KIFC3: variants seen among roughly 807,000 people sequenced by gnomAD.
KIFC3 encodes kinesin family member C3, also known as kinesin-like protein KIFC3.
In KIFC3, 60 loss-of-function variants were observed where a neutral mutation model predicts 101.8. The observed-to-expected ratio is 0.59, with a 90% CI of 0.48 to 0.73. The LOEUF is 0.73. Among genes scored for constraint, KIFC3 ranks in the 30% least tolerant of loss-of-function variants. The probability of loss-of-function intolerance (pLI) is 0.00; values close to 1 mark genes in which losing one functional copy is unlikely to be tolerated. For synonymous variants in KIFC3, 476 were observed against 482.7 expected (o/e 0.99, Z 0.18); for missense variants, 966 against 1,137.1 (o/e 0.85, Z 2.16).
chr16:57,786,785 T>C (rs2053372923), intron 3 of KIFC3, among the ~76,000 whole-genome samples: 1 of 152,112 alleles, frequency 6.6e-6, no homozygotes, highest in Non-Finnish European at 1.5e-5. Flanking sequence ...TCTGACAGCC[T>C]GGCCTGAGGG....
chr16:57,813,844 C>A (rs1555628249), intron 1 of KIFC3: 2 of 985,302 alleles, frequency 2.0e-6, no homozygotes, highest in African/African-American at 3.5e-5. Context: ...ACCCCATGCT[C>A]TCCTGGACAT....
chr16:57,770,103 G>C, intron 7 of KIFC3, 148 bp from the exon 8 acceptor site: 1 of 1,013,210 alleles, frequency 9.9e-7, no homozygotes, highest in Non-Finnish European at 1.4e-6. Flanking sequence ...GAATGGCCTT[G>C]TCTCCCTCCC....
At chr16:57,823,959 A>C (rs1201884375) in intron 1 of KIFC3, among the ~76,000 whole-genome samples, 2 of 152,144 alleles carry the variant, frequency 1.3e-5, no homozygotes, top group African/African-American at 4.8e-5. Context: ...TCTATAGAAA[A>C]ATTGCGAGAA....
At chr16:57,812,206 CTAATTTTTTGTATT>C (rs1384777018) in intron 1 of KIFC3, among the ~76,000 whole-genome samples, 1 of 151,888 alleles carries the variant, frequency 6.6e-6, no homozygotes, top group African/African-American at 2.4e-5. Flanking sequence ...CCTCGCCCGG[CTAATTTTTTGTATT>C]TTTAGTAGAG....
At chr16:57,833,227 C>T (rs1269757492) in intron 1 of KIFC3, among the ~76,000 whole-genome samples, 5 of 151,298 alleles carry the variant, frequency 3.3e-5, no homozygotes, top group African/African-American at 1.2e-4. Flanking sequence ...TATATATATG[C>T]CCAGGATGCC....
At chr16:57,812,819 C>T (rs531122224) in intron 1 of KIFC3, among the ~76,000 whole-genome samples, 8 of 152,338 alleles carry the variant, frequency 5.3e-5, no homozygotes, top group Non-Finnish European at 1.2e-4. Flanking sequence ...TAAGGAATAC[C>T]TGCTGCCCCT....
At chr16:57,795,212 G>C (rs2054192844) in intron 2 of KIFC3, 71 bp from the exon 3 acceptor site, 2 of 1,541,004 alleles carry the variant, frequency 1.3e-6, no homozygotes, top group Non-Finnish European at 1.8e-6. Flanking sequence ...TGGACCACTG[G>C]CCAGGGCCGC....
At position 57,859,637 on chromosome 16, in the gene KIFC3, G is replaced by A. The variant is rs139801382; in HGVS notation, c.108+3092C>T. 1.8e-4 allele frequency among the ~76,000 whole-genome samples: 27 copies of A among 152,218 alleles called. No individual in the cohort carries two copies. The East Asian group carries it at 4.2e-3, about 24-fold the overall frequency. On this transcript the variant is annotated intron_variant, in intron 1 of 2. Coordinates refer to the KIFC3 transcript ENST00000563028. ...AAGCAACACTCCTCCCACACCCGCC[G>A]AAGTCATACACCAGTTACAGTGGGA...
At chr16:57,839,123 G>A (rs1170990498) in intron 1 of KIFC3, among the ~76,000 whole-genome samples, 1 of 152,044 alleles carries the variant, frequency 6.6e-6, no homozygotes, top group Admixed American at 6.6e-5. Context: ...AGGCCAGGAG[G>A]TCAAGGCTGC....
chr16:57,806,187 C>G (rs1218577414), upstream of KIFC3, among the ~76,000 whole-genome samples: 1 of 152,094 alleles, frequency 6.6e-6, no homozygotes, highest in Admixed American at 6.6e-5. Flanking sequence ...TCATAGCAAC[C>G]CAGAGTAAAG....
At chr16:57,825,048 G>A (rs1344706233) in intron 1 of KIFC3, among the ~76,000 whole-genome samples, 1 of 152,190 alleles carries the variant, frequency 6.6e-6, no homozygotes, top group Non-Finnish European at 1.5e-5. Context: ...GATGTCAACA[G>A]GGCACTTCAC....
At chr16:57,851,947 G>A (rs1425075112) in intron 1 of KIFC3, among the ~76,000 whole-genome samples, 4 of 151,774 alleles carry the variant, frequency 2.6e-5, no homozygotes, top group African/African-American at 9.7e-5. Flanking sequence ...CTCCATGTTG[G>A]CCAGGCTGGT....
At chr16:57,781,480 C>T (rs1555614673) in intron 3 of KIFC3, among the ~76,000 whole-genome samples, 1 of 152,138 alleles carries the variant, frequency 6.6e-6, no homozygotes, top group Non-Finnish European at 1.5e-5. Flanking sequence ...GAGGGTCATC[C>T]CAACAGCCAC....
chr16:57,792,812 C>G (rs1278815032), intron 3 of KIFC3, among the ~76,000 whole-genome samples: 1 of 124,352 alleles, frequency 8.0e-6, no homozygotes, highest in Non-Finnish European at 1.6e-5. Flanking sequence ...CTGGAGGTTG[C>G]AGTGAGATTC....
Position 57,769,342 on chromosome 16 carries a change from T to A in KIFC3, c.1218+253A>T, listed in dbSNP as rs1318683047. Among the ~76,000 whole-genome samples the A allele has an allele frequency of 2.6e-5, 4 of 152,182 alleles. No individual in the cohort carries two copies. Among genetic ancestry groups the A allele is most frequent in the African/African-American group, 7.2e-5 (3 of 41,444 alleles). On this transcript the variant is annotated intron_variant, in intron 9 of 19. Coordinates refer to ENST00000445690, the MANE Select transcript of KIFC3 (RefSeq NM_001130100.2). This position sits in a 1 kb window ranked among gnomAD's most constrained non-coding sequence, Gnocchi z 4.3. ...TGAGCCACCGCGCCTGGCCTGCATGTTTGAAATATGAAGTTATCTGTAACA... is the reference window on the plus strand; with the variant it reads ...TGAGCCACCGCGCCTGGCCTGCATGATTGAAATATGAAGTTATCTGTAACA...
At chr16:57,844,808 T>A (rs1259868450) in intron 1 of KIFC3, among the ~76,000 whole-genome samples, 1 of 152,204 alleles carries the variant, frequency 6.6e-6, no homozygotes, top group African/African-American at 2.4e-5. Context: ...TGGAATTTTC[T>A]GCTTGGTTCA....
At chr16:57,819,279 G>A (rs1012886125) in intron 1 of KIFC3, among the ~76,000 whole-genome samples, 3 of 152,170 alleles carry the variant, frequency 2.0e-5, no homozygotes, top group African/African-American at 7.2e-5. Flanking sequence ...AGACCAGCCT[G>A]GGCAACACAG....
At chr16:57,781,262 C>T (rs1370549920) in intron 3 of KIFC3, among the ~76,000 whole-genome samples, 1 of 152,160 alleles carries the variant, frequency 6.6e-6, no homozygotes, top group Non-Finnish European at 1.5e-5. Context: ...CTACAGTGAG[C>T]TGTGATCACG....
At chr16:57,862,713 C>A in intron 1 of KIFC3, 4 of 1,220,086 alleles carry the variant, frequency 3.3e-6, no homozygotes, top group Non-Finnish European at 3.2e-6. Context: ...CTGCCCCAAC[C>A]CAGCCAGGCC....
Sources: gnomAD v4.1 joint callset for allele counts (sites outside exome capture counted in the v4.1 genomes callset) on GRCh38, gnomAD v4.1.1 for gene constraint, Gnocchi (gnomAD v3.1) non-coding constraint, MANE v1.5 for transcripts, NCBI Gene and HGNC (gene_info 2026-07-23, HGNC 2026-07-21) for gene names.